EPB41L5: variants seen among roughly 807,000 people sequenced by gnomAD.
EPB41L5 encodes the protein erythrocyte membrane protein band 4.1 like 5, also known as band 4.1-like protein 5.
A neutral mutation model predicts 106.6 loss-of-function variants in EPB41L5; 55 were observed. The ratio of observed to expected loss-of-function variants is 0.52; its 90% confidence interval spans 0.42 to 0.65. The LOEUF (loss-of-function observed/expected upper bound fraction) is 0.65. EPB41L5 is among the 30% of genes least tolerant of loss of function. EPB41L5 has a pLI of 0.00. For synonymous variants in EPB41L5, 297 were observed against 306.7 expected (o/e 0.97, Z 0.33); for missense variants, 871 against 882.1 (o/e 0.99, Z 0.16).
intron 21 of EPB41L5, among the ~76,000 whole-genome samples, chr2:120,162,818 G>A (rs551836577): frequency 2.0e-4 from 31 of 152,310 alleles, no homozygotes; most frequent in African/African-American, 6.0e-4. Flanking sequence ...AGCTGTTATG[G>A]TGCACTTAGT....
At chr2:120,077,903 A>G (rs781198292) in intron 9 of EPB41L5, among the ~76,000 whole-genome samples, 30 of 152,140 alleles carry the variant, frequency 2.0e-4, no homozygotes, top group Non-Finnish European at 3.8e-4. Flanking sequence ...GCCTCAGGAA[A>G]CTTATAATCA....
At chr2:120,117,355 G>A (rs529512680) in intron 16 of EPB41L5, among the ~76,000 whole-genome samples, 1 of 152,214 alleles carries the variant, frequency 6.6e-6, no homozygotes, top group South Asian at 2.1e-4. Context: ...TTTCTTCATG[G>A]TTCTCCTTTT....
At chr2:120,163,200 A>T (rs969098524) in intron 21 of EPB41L5, among the ~76,000 whole-genome samples, 1 of 148,376 alleles carries the variant, frequency 6.7e-6, no homozygotes. Flanking sequence ...GGCTGCAGTG[A>T]GCTATGATTG....
rs758869731 is a variant in EPB41L5, at chr2:120,174,888, T to C, written c.2183T>C (p.Leu728Ser). The C allele has an allele frequency of 4.3e-6, 7 of 1,614,076 alleles. No homozygotes were observed. In the East Asian group the frequency reaches 1.6e-4, roughly 36 times the overall value. Residue 728 changes from leucine to serine, a missense_variant, in exon 25 of 25, where the codon TTA becomes TCA. Physicochemically the swap from Leu to Ser is moderately radical, Grantham distance 145. Coordinates refer to ENST00000263713, the MANE Select transcript of EPB41L5 (RefSeq NM_020909.4). The part of the protein sequence containing the change: ...AEEAVLKQKC[L>S]LTTEL ...GAAGCTGTCCTGAAGCAGAAGTGTT[T>C]ACTGACCACTGAGCTCTGAGGGCCT...
At chr2:120,063,904 TGCACTCCA>T (rs2105291062) in intron 3 of EPB41L5, among the ~76,000 whole-genome samples, 1 of 151,672 alleles carries the variant, frequency 6.6e-6, no homozygotes, top group Admixed American at 6.6e-5. Context: ...ATCGCGCCAC[TGCACTCCA>T]GCCTGGGTGA....
At position 120,071,977 on chromosome 2, in the gene EPB41L5, T is replaced by A. The variant is rs373471627; in HGVS notation, c.286-1201T>A. The stretch of plus-strand genomic sequence containing the variant: ...TTCTGCACAGTAAAAGAAACTATCA[T>A]CAGAGCGAACAGGCAATGTACAAAA... On this transcript the variant is annotated intron_variant, in intron 3 of 24. Coordinates refer to ENST00000263713, the MANE Select transcript of EPB41L5 (RefSeq NM_020909.4). Among the ~76,000 whole-genome samples, 6 of 152,172 alleles carry A rather than the reference T, an allele frequency of 3.9e-5. No individual in the cohort carries two copies. In the South Asian group the frequency reaches 6.2e-4, roughly 16 times the overall value.
chr2:120,047,925 T>G (rs948565867), intron 3 of EPB41L5, among the ~76,000 whole-genome samples: 40 of 152,302 alleles, frequency 2.6e-4, no homozygotes, highest in Non-Finnish European at 4.7e-4. Context: ...TAATCATGTG[T>G]TTTTTGTCTT....
chr2:120,100,772 A>G lies in EPB41L5; in HGVS notation c.1295A>G (p.Asn432Ser), dbSNP rs199913796. Residue 432 changes from asparagine (N) to serine (S), a missense_variant, in exon 16 of 25, where the codon AAT becomes AGT. By Grantham distance (46) the Asn-to-Ser change is conservative. Transcript: ENST00000263713. ...GCTCCTGTGCCAGTGGAGATAGAGA[A>G]TCTTCCACAGAGTCCTGGAACAGAC... is the stretch of plus-strand genomic sequence containing the variant. ...SSAPVPVEIE[N>S]LPQSPGTDQH... is the part of the protein sequence containing the mutation. 1 of 1,611,952 alleles carries G rather than the reference A, an allele frequency of 6.2e-7. No homozygotes were observed.
intron 2 of EPB41L5, among the ~76,000 whole-genome samples, chr2:120,028,506 C>T (rs547017303): frequency 1.4e-4 from 22 of 152,046 alleles, no homozygotes; most frequent in Non-Finnish European, 2.6e-4. Flanking sequence ...ACTGCACTCC[C>T]GTGTGGGCAA....
chr2:120,156,783 C>T (rs192546519), intron 20 of EPB41L5, among the ~76,000 whole-genome samples: 1 of 152,170 alleles, frequency 6.6e-6, no homozygotes, highest in African/African-American at 2.4e-5. Context: ...CACCCAGACT[C>T]GGAAAGCAAG....
At chr2:120,141,106 A>G (rs540622473) in intron 18 of EPB41L5, among the ~76,000 whole-genome samples, 12 of 152,208 alleles carry the variant, frequency 7.9e-5, no homozygotes, top group African/African-American at 2.6e-4. Context: ...GGCCTGCATT[A>G]TGCAGGATTT....
At chr2:120,096,901 G>A (rs1004009814) in intron 14 of EPB41L5, among the ~76,000 whole-genome samples, 1 of 152,134 alleles carries the variant, frequency 6.6e-6, no homozygotes, top group African/African-American at 2.4e-5. Flanking sequence ...AAGGAGGCTG[G>A]GATATGGAAT....
At chr2:120,131,591 T>G in intron 17 of EPB41L5, 27 bp from the exon 18 acceptor site, 1 of 1,558,042 alleles carries the variant, frequency 6.4e-7, no homozygotes, top group Non-Finnish European at 8.8e-7. Context: ...AGACTGGGGT[T>G]ATTTTGCCTT....
intron 11 of EPB41L5, among the ~76,000 whole-genome samples, chr2:120,087,644 C>G (rs566116143): frequency 6.6e-6 from 1 of 152,126 alleles, no homozygotes; most frequent in African/African-American, 2.4e-5. Context: ...GCCACCACCA[C>G]GCCTGGCTGA....
intron 1 of EPB41L5, among the ~76,000 whole-genome samples, chr2:120,016,059 A>C (rs1357578311): frequency 6.6e-6 from 1 of 152,234 alleles, no homozygotes; most frequent in Non-Finnish European, 1.5e-5. Context: ...CTACAACTTA[A>C]AGCACATGTG....
At chr2:120,160,652 C>T in intron 20 of EPB41L5, 1 of 486,820 alleles carries the variant, frequency 2.1e-6, no homozygotes, top group Non-Finnish European at 3.7e-6. Flanking sequence ...TATGGGTCCT[C>T]ACCAGCATCT....
chr2:120,167,386 T>G, intron 22 of EPB41L5, 80 bp from the exon 23 acceptor site: 1 of 1,203,028 alleles, frequency 8.3e-7, no homozygotes. Context: ...GATTTCATAA[T>G]AGATGTAAGT....
At chr2:120,018,926 G>A (rs181966790) in intron 1 of EPB41L5, among the ~76,000 whole-genome samples, 151 bp from the exon 2 acceptor site, 4 of 152,250 alleles carry the variant, frequency 2.6e-5, no homozygotes, top group Non-Finnish European at 4.4e-5. Flanking sequence ...GATTGCAGGC[G>A]TGAGTCACTG....
chr2:120,053,905 A>G (rs1179410857), intron 3 of EPB41L5, among the ~76,000 whole-genome samples: 1 of 152,178 alleles, frequency 6.6e-6, no homozygotes, highest in Admixed American at 6.5e-5. Context: ...TCTACAATAT[A>G]CAAAAATTAG....
Sources: allele counts gnomAD v4.1 joint callset (sites outside exome capture counted in the v4.1 genomes callset), GRCh38; gene constraint gnomAD v4.1.1; transcripts MANE v1.5; gene names NCBI Gene and HGNC (gene_info 2026-07-23, HGNC 2026-07-21).